FAF1: variants seen among roughly 807,000 people sequenced by gnomAD.
The protein encoded by FAF1 is Fas associated factor 1.
FAF1 carries 25 observed loss-of-function variants against 92.5 expected under a neutral mutation model. The observed-to-expected ratio is 0.27, with a 90% CI of 0.20 to 0.38. The LOEUF is 0.38. Among genes scored for constraint, FAF1 ranks in the 10% least tolerant of loss-of-function variants. The pLI, the probability that FAF1 is intolerant of heterozygous loss-of-function variation, is 1.00. For synonymous variants in FAF1, 234 were observed against 273.2 expected, an observed-to-expected ratio of 0.86 and a Z score of 1.42; for missense variants, 636 against 793.3, an observed-to-expected ratio of 0.80 and a Z score of 2.38.
intron 1 of FAF1, among the ~76,000 whole-genome samples, chr1:50,873,194 T>C (rs1644542754): frequency 6.6e-6 from 1 of 152,206 alleles, no homozygotes; most frequent in Admixed American, 6.5e-5. Flanking sequence ...TAAGACATAA[T>C]GCTACTGCAC....
intron 5 of FAF1, 146 bp downstream of exon 5, chr1:50,744,538 T>G: frequency 3.3e-6 from 2 of 610,078 alleles, no homozygotes; most frequent in African/African-American, 3.8e-5. Context: ...TAGAAAACAC[T>G]ACTTGCTGAT....
At chr1:50,791,408 T>G (rs1048850110) in intron 3 of FAF1, among the ~76,000 whole-genome samples, 1 of 152,230 alleles carries the variant, frequency 6.6e-6, no homozygotes, top group African/African-American at 2.4e-5. Context: ...AACTGTATTT[T>G]CTTCTGCTAG....
chr1:50,898,326 A>G (rs999446708), intron 1 of FAF1, among the ~76,000 whole-genome samples: 1 of 152,180 alleles, frequency 6.6e-6, no homozygotes, highest in Non-Finnish European at 1.5e-5. Context: ...TTGAAAAACA[A>G]CAACAACAAC....
chr1:50,872,236 T>A lies in FAF1; in HGVS notation c.46-14239A>T, dbSNP rs182539082. Among the ~76,000 whole-genome samples, 5 of 152,254 alleles carry A rather than the reference T, an allele frequency of 3.3e-5. No individual in the cohort carries two copies. In the East Asian group the frequency reaches 5.8e-4, roughly 18 times the overall value. On this transcript the variant is annotated intron_variant, in intron 1 of 18. Transcript: ENST00000396153. The stretch of plus-strand genomic sequence containing the variant: ...ATGGGAAGAGGTCAAAATATCAACA[T>A]CAACAAGAGTTTGGGAGAAGTTGAT...
At chr1:50,677,486 G>C (rs191544785) in intron 7 of FAF1, among the ~76,000 whole-genome samples, 57 of 152,268 alleles carry the variant, frequency 3.7e-4, no homozygotes, top group Non-Finnish European at 4.6e-4. Flanking sequence ...AATGACTCAT[G>C]TATTTCTTTA....
chr1:50,691,631 G>T (rs1194502603), intron 7 of FAF1, among the ~76,000 whole-genome samples: 2 of 151,862 alleles, frequency 1.3e-5, no homozygotes, highest in East Asian at 3.9e-4. Context: ...CTCTCTTGTT[G>T]CCCAGGCTGG....
chr1:50,693,054 A>G (rs1266910543), intron 7 of FAF1, among the ~76,000 whole-genome samples: 4 of 152,330 alleles, frequency 2.6e-5, no homozygotes, highest in East Asian at 3.9e-4. Flanking sequence ...CTGAGGCACT[A>G]AAGTTTTTAA....
intron 6 of FAF1, among the ~76,000 whole-genome samples, chr1:50,730,492 A>AT (rs1658870786): frequency 6.6e-6 from 1 of 151,394 alleles, no homozygotes; most frequent in African/African-American, 2.4e-5. Flanking sequence ...CTTTCTTTCT[A>AT]TTTTCAGTGC....
chr1:50,847,351 T>C (rs757918090), intron 2 of FAF1, among the ~76,000 whole-genome samples: 1 of 134,202 alleles, frequency 7.5e-6, no homozygotes, highest in Non-Finnish European at 1.6e-5. Flanking sequence ...AAGGCTCAAA[T>C]AGAAAAACAG....
At chr1:50,749,072 G>A (rs1659742616) in intron 4 of FAF1, among the ~76,000 whole-genome samples, 1 of 152,154 alleles carries the variant, frequency 6.6e-6, no homozygotes, top group Admixed American at 6.5e-5. Context: ...ATCAATCTTG[G>A]CCTTCAAAAA....
chr1:50,559,605 A>G (rs1463316081), intron 13 of FAF1, among the ~76,000 whole-genome samples: 1 of 152,262 alleles, frequency 6.6e-6, no homozygotes, highest in East Asian at 1.9e-4. Flanking sequence ...TGCTGCTGGC[A>G]GAACGCAAAC....
At chr1:50,875,468 T>TC (rs2124683982) in intron 1 of FAF1, among the ~76,000 whole-genome samples, 1 of 152,234 alleles carries the variant, frequency 6.6e-6, no homozygotes, top group African/African-American at 2.4e-5. Flanking sequence ...TTCTTTTTTT[T>TC]CTGAGACAGG....
At chr1:50,872,900 G>GA (rs376074043) in intron 1 of FAF1, among the ~76,000 whole-genome samples, 18,159 of 140,932 alleles carry the variant, frequency 0.13, 1,304 homozygotes, top group African/African-American at 0.22. Context: ...ACTCCGTCTG[G>GA]AAAAAAAAAA....
At chr1:50,584,634 T>C in intron 10 of FAF1, 51 bp downstream of exon 10, 1 of 1,569,940 alleles carries the variant, frequency 6.4e-7, no homozygotes, top group South Asian at 1.1e-5. Flanking sequence ...TAAGTTTGTG[T>C]ACTAGAAGAA....
chr1:50,701,543 G>A (rs960838293), intron 7 of FAF1, among the ~76,000 whole-genome samples: 3 of 152,088 alleles, frequency 2.0e-5, no homozygotes, highest in Non-Finnish European at 4.4e-5. Flanking sequence ...CTGGCCACCA[G>A]CATTAAAGGA....
chr1:50,456,099 T>TA (rs942164020), intron 18 of FAF1, among the ~76,000 whole-genome samples: 4 of 151,940 alleles, frequency 2.6e-5, no homozygotes, highest in African/African-American at 9.7e-5. Context: ...TTTTTTTTTT[T>TA]AGAGATGAGA....
chr1:50,861,721 A>G (rs901001872), intron 1 of FAF1, among the ~76,000 whole-genome samples: 1 of 151,902 alleles, frequency 6.6e-6, no homozygotes, highest in Non-Finnish European at 1.5e-5. Flanking sequence ...TTATTTAAAA[A>G]AAAGATTAAT....
chr1:50,570,070 C>T (rs1230899433), intron 12 of FAF1, among the ~76,000 whole-genome samples: 1 of 152,058 alleles, frequency 6.6e-6, no homozygotes, highest in Admixed American at 6.6e-5. Flanking sequence ...GCTAGAATCT[C>T]GACTATTATA....
intron 13 of FAF1, among the ~76,000 whole-genome samples, chr1:50,544,563 A>G (rs1476167744): frequency 1.3e-5 from 2 of 152,238 alleles, no homozygotes; most frequent in Admixed American, 1.3e-4. Context: ...CATCATAAAA[A>G]TATTTTGGGC....
Sources: gnomAD v4.1 joint callset for allele counts (sites outside exome capture counted in the v4.1 genomes callset) on GRCh38, gnomAD v4.1.1 for gene constraint, MANE v1.5 for transcripts, NCBI Gene and HGNC (gene_info 2026-07-23, HGNC 2026-07-21) for gene names.